The following CNTN5 variants were observed in gnomAD, a reference collection of about 807,000 sequenced individuals.
CNTN5 encodes contactin-5.
A neutral mutation model predicts 129.1 loss-of-function variants in CNTN5; 77 were observed. That is an observed-to-expected ratio of 0.60 (90% CI 0.50 to 0.72). The LOEUF (loss-of-function observed/expected upper bound fraction) is 0.72. Among genes scored for constraint, CNTN5 ranks in the 30% least tolerant of loss-of-function variants. CNTN5 has a pLI of 0.00. For missense variants in CNTN5, 1,478 were observed against 1,328.8 expected, an observed-to-expected ratio of 1.11 and a Z score of -1.75; for synonymous variants, 509 against 465.6, an observed-to-expected ratio of 1.09 and a Z score of -1.20.
intron 18 of CNTN5, among the ~76,000 whole-genome samples, chr11:100,297,291 G>A (rs770831957): frequency 1.3e-5 from 2 of 151,352 alleles, no homozygotes; most frequent in Admixed American, 6.6e-5. Flanking sequence ...AAAGAGTCAC[G>A]TCATTAGCAA....
At chr11:99,094,959 T>C (rs766136469) in intron 1 of CNTN5, among the ~76,000 whole-genome samples, 3 of 151,646 alleles carry the variant, frequency 2.0e-5, no homozygotes, top group Non-Finnish European at 4.4e-5. Flanking sequence ...CAACCATGCA[T>C]ATTATTATTA....
chr11:100,337,727 C>A, intron 21 of CNTN5: 1 of 455,120 alleles, frequency 2.2e-6, no homozygotes. Context: ...TTCTAGAAGT[C>A]AGTTTCATCT....
At chr11:99,663,234 C>T (rs1021562477) in intron 3 of CNTN5, among the ~76,000 whole-genome samples, 4 of 152,054 alleles carry the variant, frequency 2.6e-5, no homozygotes, top group South Asian at 2.1e-4. Flanking sequence ...TTTGGGAGGC[C>T]GAGGGCTGGC....
chr11:100,215,563 TA>T (rs1195773230), intron 15 of CNTN5, among the ~76,000 whole-genome samples: 2 of 152,164 alleles, frequency 1.3e-5, no homozygotes, highest in Non-Finnish European at 2.9e-5. Flanking sequence ...TCAGCCGTAA[TA>T]AAATAGAGTA....
intron 9 of CNTN5, among the ~76,000 whole-genome samples, chr11:100,023,860 C>T (rs1184148362): frequency 6.6e-6 from 1 of 151,726 alleles, no homozygotes; most frequent in Non-Finnish European, 1.5e-5. Context: ...TTTAATACTT[C>T]ATGTTGTTCC....
At chr11:99,998,008 AATG>A (rs1416502552) in intron 8 of CNTN5, among the ~76,000 whole-genome samples, 10 of 152,186 alleles carry the variant, frequency 6.6e-5, no homozygotes, top group African/African-American at 2.2e-4. Context: ...CGTATCTCAA[AATG>A]ATAAGAGCTA....
chr11:99,274,346 A>G (rs1244455961), intron 1 of CNTN5, among the ~76,000 whole-genome samples: 1 of 151,688 alleles, frequency 6.6e-6, no homozygotes, highest in African/African-American at 2.4e-5. Context: ...TAACATTCTA[A>G]AATATTTAAT....
intron 1 of CNTN5, among the ~76,000 whole-genome samples, chr11:99,048,555 A>C (rs1464791904): frequency 6.6e-6 from 1 of 152,218 alleles, no homozygotes; most frequent in Non-Finnish European, 1.5e-5. Flanking sequence ...TGGCTAGGGA[A>C]TTGATACATA....
At chr11:99,633,906 G>C (rs17134048) in intron 3 of CNTN5, among the ~76,000 whole-genome samples, 2,195 of 152,288 alleles carry the variant, frequency 0.014, 60 homozygotes, top group African/African-American at 0.049. Context: ...AATTTCAGGA[G>C]AGAGTACAGG....
intron 9 of CNTN5, among the ~76,000 whole-genome samples, chr11:100,037,593 G>C (rs1194410452): frequency 2.0e-5 from 3 of 152,000 alleles, no homozygotes; most frequent in Non-Finnish European, 4.4e-5. Context: ...GAATCCATCT[G>C]GTCCTGGACT....
At chr11:99,022,272 A>G (rs906255368) in intron 1 of CNTN5, among the ~76,000 whole-genome samples, 2 of 152,200 alleles carry the variant, frequency 1.3e-5, no homozygotes, top group Non-Finnish European at 2.9e-5. Context: ...ATTTAAAATT[A>G]TAGACAAATA....
intron 1 of CNTN5, among the ~76,000 whole-genome samples, chr11:99,119,503 A>T (rs115926351): frequency 0.013 from 2,048 of 152,080 alleles, 48 homozygotes; most frequent in African/African-American, 0.046. Context: ...GTATTCCATG[A>T]TGTATATGTA....
chr11:99,735,790 G>T (rs2135126918), intron 3 of CNTN5, among the ~76,000 whole-genome samples: 1 of 152,250 alleles, frequency 6.6e-6, no homozygotes, highest in South Asian at 2.1e-4. Context: ...TCGTTTGTGT[G>T]TGTAGAGAAC....
intron 1 of CNTN5, among the ~76,000 whole-genome samples, chr11:99,225,254 C>T (rs1860619335): frequency 6.6e-6 from 1 of 152,002 alleles, no homozygotes; most frequent in Non-Finnish European, 1.5e-5. Flanking sequence ...GATCGTGGCC[C>T]TCCGTGTGAC....
At chr11:100,215,377 T>A (rs1949117187) in intron 15 of CNTN5, among the ~76,000 whole-genome samples, 1 of 152,138 alleles carries the variant, frequency 6.6e-6, no homozygotes, top group African/African-American at 2.4e-5. Flanking sequence ...TCCCAGTAAG[T>A]CAAATGGCAA....
intron 3 of CNTN5, among the ~76,000 whole-genome samples, chr11:99,755,215 G>T (rs1944367742): frequency 6.6e-6 from 1 of 152,144 alleles, no homozygotes; most frequent in South Asian, 2.1e-4. Context: ...GCATGGATAA[G>T]TCTTTAGCTC....
chr11:99,387,640 A>C, intron 2 of CNTN5, among the ~76,000 whole-genome samples: 1 of 149,122 alleles, frequency 6.7e-6, no homozygotes, highest in East Asian at 2.0e-4. Context: ...AACCAAAGGA[A>C]GTTTCTGTCT....
chr11:99,730,393 T>C (rs1437036807), intron 3 of CNTN5, among the ~76,000 whole-genome samples: 2 of 152,222 alleles, frequency 1.3e-5, no homozygotes, highest in Non-Finnish European at 2.9e-5. Context: ...GAGAATACTA[T>C]ATTAACTTCG....
chr11:100,018,928 T>C (rs894121417), intron 9 of CNTN5, among the ~76,000 whole-genome samples: 1 of 151,984 alleles, frequency 6.6e-6, no homozygotes, highest in African/African-American at 2.4e-5. Flanking sequence ...GACTGTGTTA[T>C]GTGCTTATTT....
Sources: allele counts gnomAD v4.1 joint callset (sites outside exome capture counted in the v4.1 genomes callset), GRCh38; gene constraint gnomAD v4.1.1; transcripts MANE v1.5; gene names NCBI Gene and HGNC (gene_info 2026-07-23, HGNC 2026-07-21).